The following HHAT variants were observed in gnomAD, a reference collection of about 807,000 sequenced individuals.
HHAT encodes protein-cysteine N-palmitoyltransferase HHAT.
HHAT carries 47 observed loss-of-function variants against 70.8 expected under a neutral mutation model. The ratio of observed to expected loss-of-function variants is 0.66; its 90% CI spans 0.53 to 0.85. The LOEUF (loss-of-function observed/expected upper bound fraction) is 0.85, where lower values mean the gene tolerates loss of function less well. Among genes scored for constraint, HHAT ranks in the 40% least tolerant of loss-of-function variants. The probability of loss-of-function intolerance (pLI) is 0.00; values close to 1 mark genes in which losing one functional copy is unlikely to be tolerated. For missense variants in HHAT, 609 were observed against 604.8 expected, an observed-to-expected ratio of 1.01 and a Z score of -0.07; for synonymous variants, 228 against 247.6, an observed-to-expected ratio of 0.92 and a Z score of 0.74.
chr1:210,329,176 T>TA (rs113095614), intron 1 of HHAT, 72 bp downstream of exon 1: 14,196 of 1,091,470 alleles, frequency 0.013, 282 homozygotes, highest in African/African-American at 0.11. Context: ...TTTACTCTGT[T>TA]AAAAAAAAAA....
At chr1:210,339,016 C>G (rs557888136) in intron 1 of HHAT, among the ~76,000 whole-genome samples, 18 of 152,198 alleles carry the variant, frequency 1.2e-4, no homozygotes, top group African/African-American at 3.1e-4. Flanking sequence ...TGCATTCCAG[C>G]CTGGGTGACA....
chr1:210,374,922 G>C (rs7355031), intron 3 of HHAT, among the ~76,000 whole-genome samples: 59,309 of 151,500 alleles, frequency 0.39, 13,289 homozygotes, highest in African/African-American at 0.63. Flanking sequence ...AGTTTTTCAG[G>C]CCTTACCAGT....
upstream of HHAT, chr1:210,328,305 C>G (rs2084697837): frequency 6.6e-6 from 1 of 152,164 alleles, no homozygotes; most frequent in Non-Finnish European, 1.5e-5. Context: ...CAATTATACC[C>G]CGTTGGAGCA....
intron 11 of HHAT, among the ~76,000 whole-genome samples, chr1:210,669,813 G>A (rs1679717576): frequency 6.6e-6 from 1 of 152,192 alleles, no homozygotes. Flanking sequence ...TTGACCAATA[G>A]CATACTGCCC....
intron 10 of HHAT, among the ~76,000 whole-genome samples, chr1:210,602,229 G>C (rs2148822291): frequency 6.6e-6 from 1 of 152,256 alleles, no homozygotes; most frequent in East Asian, 1.9e-4. Flanking sequence ...CTGCCCACTA[G>C]GGGCTTATGA....
At chr1:210,632,535 G>A (rs751955039) in intron 11 of HHAT, among the ~76,000 whole-genome samples, 1 of 152,160 alleles carries the variant, frequency 6.6e-6, no homozygotes, top group Non-Finnish European at 1.5e-5. Context: ...GCAAAGAAAA[G>A]GGAAGATGGA....
intron 11 of HHAT, among the ~76,000 whole-genome samples, chr1:210,646,168 G>T (rs1270033750): frequency 1.3e-5 from 2 of 152,136 alleles, no homozygotes; most frequent in Non-Finnish European, 2.9e-5. Context: ...GTAAGTAGTG[G>T]GAGATCATAG....
At chr1:210,465,943 TGAATTGCAAG>T (rs1322528391) in intron 8 of HHAT, among the ~76,000 whole-genome samples, 6 of 112,362 alleles carry the variant, frequency 5.3e-5, no homozygotes, top group South Asian at 7.0e-4. Context: ...TTGCAAGGAA[TGAATTGCAAG>T]GAATTGCAAG....
rs1217791796 is a variant in HHAT, at chr1:210,675,329, T to C, written c.*950T>C. 6.6e-6 allele frequency: 1 copy of C among 152,232 alleles called. No homozygotes were observed. The highest frequency in any genetic ancestry group is 2.4e-5 in the African/African-American group (1 of 41,472). 9.4% of individuals were successfully genotyped at this position (152,232 alleles called of 1,614,324 possible). A position where few individuals can be genotyped will look rare whatever the true frequency, so the allele number is the denominator to read the frequency against. On this transcript the variant is annotated 3_prime_UTR_variant, in exon 12 of 12. Transcript: ENST00000261458. ...TAATCTACATGTTTGTAGAATTATTTTGAATATGTTTGAGGAAAATGTTTA... is the reference window on the plus strand; with the variant it reads ...TAATCTACATGTTTGTAGAATTATTCTGAATATGTTTGAGGAAAATGTTTA...
intron 7 of HHAT, among the ~76,000 whole-genome samples, chr1:210,432,772 T>C (rs1007396651): frequency 6.6e-6 from 1 of 151,788 alleles, no homozygotes; most frequent in Non-Finnish European, 1.5e-5. Context: ...ATCCCCTTTC[T>C]TTCCAGCACA....
chr1:210,370,163 CTTTTTTTT>C (rs200442278), intron 3 of HHAT, among the ~76,000 whole-genome samples: 15,527 of 121,996 alleles, frequency 0.13, 984 homozygotes, highest in Non-Finnish European at 0.15. Context: ...TCTTCAATGA[CTTTTTTTT>C]TTTTTTTTTT....
At chr1:210,480,615 G>A (rs945255921) in intron 8 of HHAT, among the ~76,000 whole-genome samples, 3 of 152,262 alleles carry the variant, frequency 2.0e-5, no homozygotes, top group South Asian at 2.1e-4. Context: ...TTTGGAGCCC[G>A]TTACATCCTG....
rs973272980 is a variant in HHAT at position 210,509,274 on chromosome 1, G to A, written c.1008-3879G>A. Among the ~76,000 whole-genome samples the A allele has an allele frequency of 6.6e-5, 10 of 152,332 alleles. No individual in the cohort carries two copies. In the South Asian group the frequency reaches 2.1e-3, roughly 32 times the overall value. On this transcript the variant is annotated intron_variant, in intron 8 of 11. Coordinates refer to ENST00000261458, the MANE Select transcript of HHAT (RefSeq NM_018194.6). Reference sequence around the variant, plus strand: ...AAATTTAAAAATCCAAAATCTGAAGGTGCTCTCATGAGCATTTTTATGAGT... The same window carrying A: ...AAATTTAAAAATCCAAAATCTGAAGATGCTCTCATGAGCATTTTTATGAGT...
At chr1:210,644,839 T>C (rs750866206) in intron 11 of HHAT, among the ~76,000 whole-genome samples, 22 of 152,122 alleles carry the variant, frequency 1.4e-4, no homozygotes, top group Non-Finnish European at 2.4e-4. Context: ...CAACTTGTTA[T>C]AAGACCTGGG....
chr1:210,515,757 CA>C (rs34971563), intron 9 of HHAT, among the ~76,000 whole-genome samples: 1,050 of 80,280 alleles, frequency 0.013, 10 homozygotes, highest in African/African-American at 0.047. Context: ...GACTCCGTCT[CA>C]AAAAAAAAAA....
intron 9 of HHAT, among the ~76,000 whole-genome samples, chr1:210,518,422 CT>C (rs1477711961): frequency 1.3e-5 from 2 of 152,204 alleles, no homozygotes; most frequent in African/African-American, 2.4e-5. Flanking sequence ...GGATTTCATT[CT>C]TTTTTATGGC....
intron 8 of HHAT, among the ~76,000 whole-genome samples, chr1:210,478,807 A>T (rs1390937844): frequency 6.6e-6 from 1 of 152,192 alleles, no homozygotes; most frequent in African/African-American, 2.4e-5. Flanking sequence ...CCATTTATCC[A>T]GTCTTAGATG....
At chr1:210,440,140 G>A (rs545777354) in intron 7 of HHAT, among the ~76,000 whole-genome samples, 60 of 151,782 alleles carry the variant, frequency 4.0e-4, no homozygotes, top group Middle Eastern at 3.4e-3. Context: ...CATTCTTTAC[G>A]CTCTGCTTGG....
At chr1:210,495,077 G>T (rs2094613838) in intron 8 of HHAT, among the ~76,000 whole-genome samples, 1 of 152,072 alleles carries the variant, frequency 6.6e-6, no homozygotes. Flanking sequence ...GCAGTGAGAG[G>T]CTGGAATCAG....
Sources: gnomAD v4.1 joint callset for allele counts (sites outside exome capture counted in the v4.1 genomes callset) on GRCh38, gnomAD v4.1.1 for gene constraint, MANE v1.5 for transcripts, NCBI Gene and HGNC (gene_info 2026-07-23, HGNC 2026-07-21) for gene names.